The following ZBTB46 variants were observed in gnomAD, a reference collection of about 807,000 sequenced individuals.
ZBTB46 encodes the protein zinc finger and BTB domain-containing protein 46.
A neutral mutation model predicts 44.1 loss-of-function variants in ZBTB46; 8 were observed. The observed-to-expected ratio is 0.18, with a 90% confidence interval of 0.11 to 0.33. The LOEUF (loss-of-function observed/expected upper bound fraction) is 0.33, where lower values mean the gene tolerates loss of function less well. ZBTB46 is among the 10% of genes least tolerant of loss of function. The pLI, the probability that ZBTB46 is intolerant of heterozygous loss-of-function variation, is 1.00. For synonymous variants in ZBTB46, 409 were observed against 382.3 expected (o/e 1.07, Z -0.81); for missense variants, 651 against 847.7 (o/e 0.77, Z 2.88).
intron 2 of ZBTB46, among the ~76,000 whole-genome samples, chr20:63,777,334 G>A (rs1188515727): frequency 6.6e-6 from 1 of 152,174 alleles, no homozygotes; most frequent in Non-Finnish European, 1.5e-5. Flanking sequence ...GAGTGTGGTG[G>A]GTTGTGCCTG....
intron 4 of ZBTB46, among the ~76,000 whole-genome samples, chr20:63,749,504 T>C (rs1448311481): frequency 6.6e-6 from 1 of 152,062 alleles, no homozygotes; most frequent in Non-Finnish European, 1.5e-5. Flanking sequence ...GCCCAGCTAA[T>C]TTTTTGTATT....
At chr20:63,751,860 G>A (rs1037224837) in intron 4 of ZBTB46, among the ~76,000 whole-genome samples, 3 of 149,720 alleles carry the variant, frequency 2.0e-5, no homozygotes, top group Non-Finnish European at 4.4e-5. Flanking sequence ...CCCGCCCCCC[G>A]GTGGGTCTCC....
intron 1 of ZBTB46, among the ~76,000 whole-genome samples, chr20:63,830,738 C>G (rs1393944565): frequency 6.8e-6 from 1 of 146,960 alleles, no homozygotes; most frequent in Non-Finnish European, 1.5e-5. Flanking sequence ...GGGGAGGGAG[C>G]GCGGCGGCGG....
At chr20:63,830,233 C>T (rs1230442031) in intron 1 of ZBTB46, among the ~76,000 whole-genome samples, 2 of 152,210 alleles carry the variant, frequency 1.3e-5, no homozygotes, top group African/African-American at 2.4e-5. Flanking sequence ...AGGGGAACCC[C>T]AACTAGCAGG....
intron 1 of ZBTB46, among the ~76,000 whole-genome samples, chr20:63,806,933 C>G (rs1359689898): frequency 6.6e-6 from 1 of 152,142 alleles, no homozygotes; most frequent in African/African-American, 2.4e-5. Flanking sequence ...CCAGCGCCCG[C>G]CACCACACCC....
At chr20:63,808,976 C>CAAAAAAAAAAAAAAAAAAAAAAAAAAA in intron 1 of ZBTB46, among the ~76,000 whole-genome samples, 1 of 75,232 alleles carries the variant, frequency 1.3e-5, no homozygotes, top group Non-Finnish European at 2.7e-5. Context: ...GACTCCGCTT[C>CAAAAAAAAAAAAAAAAAAAAAAAAAAA]AAAAAAAAAA....
Position 63,787,542 on chromosome 20 carries a change from C to T in ZBTB46, c.937+2279G>A, listed in dbSNP as rs2092525771. Among the ~76,000 whole-genome samples the T allele has an allele frequency of 6.6e-6, 1 of 152,182 alleles. No homozygotes were observed. Among genetic ancestry groups the T allele is most frequent in the African/African-American group, 2.4e-5 (1 of 41,452 alleles). On this transcript the variant is annotated intron_variant, in intron 2 of 4. Transcript: ENST00000245663. This position sits in a 1 kb window ranked among gnomAD's most constrained non-coding sequence, Gnocchi z 4.6. ...CTATGTTTAGACACACAAACACTTC[C>T]CATGGTGCCACAGCTGCCTGCAGTG...
Position 63,781,588 on chromosome 20 carries a change from C to T in ZBTB46, c.938-5626G>A, listed in dbSNP as rs1435061761. Among the ~76,000 whole-genome samples, 6 of 152,108 alleles carry T rather than the reference C, an allele frequency of 3.9e-5. No individual in the cohort carries two copies. In the South Asian group the frequency reaches 8.3e-4, roughly 21 times the overall value. On this transcript the variant is annotated intron_variant, in intron 2 of 4. Transcript: ENST00000245663. ...GGCGGATCACCTGAGGTCAGGAGTT[C>T]GAGACCAGCCTGGCCAACACGGCCA... is the stretch of plus-strand genomic sequence containing the variant.
intron 2 of ZBTB46, among the ~76,000 whole-genome samples, chr20:63,785,363 C>G (rs1173071327): frequency 1.3e-5 from 2 of 151,608 alleles, no homozygotes; most frequent in African/African-American, 2.4e-5. Context: ...GAGTTCGAGA[C>G]AAGCCTGGCC....
At chr20:63,805,598 G>C (rs1290159022) in intron 1 of ZBTB46, among the ~76,000 whole-genome samples, 1 of 152,202 alleles carries the variant, frequency 6.6e-6, no homozygotes, top group Non-Finnish European at 1.5e-5. Context: ...ACCCTGCCTG[G>C]AGTCTCCAGA....
intron 3 of ZBTB46, among the ~76,000 whole-genome samples, chr20:63,759,391 TC>T (rs1302914289): frequency 6.6e-6 from 1 of 152,150 alleles, no homozygotes; most frequent in African/African-American, 2.4e-5. Context: ...CATTTCTTTT[TC>T]TTTTTTTTCT....
chr20:63,790,053 C>G lies in ZBTB46; in HGVS notation c.705G>C (p.Pro235=). ...PLRIKEEQVS[P]SQYGGSELPS... ...GCAGCTCGCTCCCTCCGTACTGAGA[C>G]GGTGAAACCTGCTCTTCCTTGATGC... The change falls in exon 2 of 5, where the codon CCG becomes CCC. Residue 235 remains proline, a synonymous_variant. Transcript: ENST00000245663. 2.5e-6 allele frequency: 4 copies of G among 1,614,026 alleles called. No individual in the cohort carries two copies. The highest frequency in any genetic ancestry group is 3.4e-6 in the Non-Finnish European group (4 of 1,179,970).
At chr20:63,779,838 G>C (rs2092454949) in intron 2 of ZBTB46, among the ~76,000 whole-genome samples, 1 of 151,958 alleles carries the variant, frequency 6.6e-6, no homozygotes, top group Non-Finnish European at 1.5e-5. Context: ...GGGATTACAA[G>C]CATGAGCCAC....
Position 63,746,780 on chromosome 20 carries a change from G to A in ZBTB46, c.*150C>T. ...GGGGTCGCACCTGCTTAGCCCGCAG[G>A]GCTGGTTTCCGTGGGGGGTGGGTTC... is the stretch of plus-strand genomic sequence containing the variant. On this transcript the variant is annotated 3_prime_UTR_variant, in exon 5 of 5. Transcript: ENST00000245663. 3.1e-6 allele frequency: 4 copies of A among 1,276,954 alleles called. No individual in the cohort carries two copies. Among genetic ancestry groups the A allele is most frequent in the Non-Finnish European group, 4.1e-6 (4 of 970,088 alleles). The allele number at this position is 1,276,954 out of a possible 1,614,324, so 79.1% of individuals were successfully genotyped here.
intron 4 of ZBTB46, among the ~76,000 whole-genome samples, chr20:63,747,545 T>TGA (rs1568824166): frequency 0.024 from 201 of 8,228 alleles, 3 homozygotes; most frequent in African/African-American, 0.075. Flanking sequence ...GTGGGGGGGG[T>TGA]GCGGGGGTGA....
At chr20:63,775,371 C>T in intron 3 of ZBTB46, 1 of 304,554 alleles carries the variant, frequency 3.3e-6, no homozygotes. Flanking sequence ...CCCTGCGCGA[C>T]CCGGACGAGC....
intron 3 of ZBTB46, among the ~76,000 whole-genome samples, chr20:63,754,365 T>G (rs1049940932): frequency 6.6e-6 from 1 of 152,166 alleles, no homozygotes; most frequent in African/African-American, 2.4e-5. Context: ...GTTCTCGCAT[T>G]ATCACACCCA....
In ZBTB46 at chr20:63,803,670, G is replaced by GCCGCCTCCT. The variant is rs1346079265; in HGVS notation, c.-33-12889_-33-12881dup. ...TCTCCAGCCCGGCTCTGACGCCCAG[G>GCCGCCTCCT]CCGCCTCCTCCGCCTTCCCGAACCT... On this transcript the variant is annotated intron_variant, in intron 1 of 4. Transcript: ENST00000245663. The surrounding 1 kb of genome is among the most constrained non-coding windows in gnomAD (Gnocchi z 4.0). Among the ~76,000 whole-genome samples the GCCGCCTCCT allele has an allele frequency of 6.6e-6, 1 of 152,072 alleles. No individual in the cohort carries two copies. Among genetic ancestry groups the GCCGCCTCCT allele is most frequent in the Non-Finnish European group, 1.5e-5 (1 of 68,008 alleles).
In ZBTB46 at chr20:63,752,945, C is replaced by T; in HGVS notation, c.1223-84G>A. ...CACAGACCACGGCTGCACGCCGCAGCCCAGCAGCCAGGACGGGCTGTCTCC... is the reference window on the plus strand; with the variant it reads ...CACAGACCACGGCTGCACGCCGCAGTCCAGCAGCCAGGACGGGCTGTCTCC... On this transcript the variant is annotated intron_variant, in intron 3 of 4. Coordinates refer to ENST00000245663, the MANE Select transcript of ZBTB46 (RefSeq NM_001369741.1). This position sits in a 1 kb window ranked among gnomAD's most constrained non-coding sequence, Gnocchi z 5.6. 1 of 1,453,566 alleles carries T rather than the reference C, an allele frequency of 6.9e-7. No individual in the cohort carries two copies. 90.0% of individuals were successfully genotyped at this position (1,453,566 alleles called of 1,614,324 possible).
Sources: gnomAD v4.1 joint callset for allele counts (sites outside exome capture counted in the v4.1 genomes callset) on GRCh38, gnomAD v4.1.1 for gene constraint, Gnocchi (gnomAD v3.1) non-coding constraint, MANE v1.5 for transcripts, NCBI Gene and HGNC (gene_info 2026-07-23, HGNC 2026-07-21) for gene names.